The following MPZL1 variants were observed in gnomAD, a reference collection of about 807,000 sequenced individuals.
MPZL1 encodes the protein myelin protein zero-like protein 1.
A neutral mutation model predicts 29.3 loss-of-function variants in MPZL1; 16 were observed. The observed-to-expected ratio is 0.55, with a 90% confidence interval of 0.37 to 0.83. The LOEUF (loss-of-function observed/expected upper bound fraction) is 0.83. Ranked by LOEUF, MPZL1 falls within the 40% of genes least tolerant of loss-of-function variation. The pLI, the probability that MPZL1 is intolerant of heterozygous loss-of-function variation, is 0.00. For synonymous variants in MPZL1, 143 were observed against 132.0 expected (o/e 1.08, Z -0.57); for missense variants, 279 against 332.9 (o/e 0.84, Z 1.26).
intron 1 of MPZL1, among the ~76,000 whole-genome samples, chr1:167,738,954 A>G (rs2101755138): frequency 6.6e-6 from 1 of 151,848 alleles, no homozygotes; most frequent in African/African-American, 2.4e-5. Context: ...GGTTTTTCGG[A>G]GTTTTTTTGA....
chr1:167,768,624 A>G (rs560293071), intron 2 of MPZL1, among the ~76,000 whole-genome samples: 2 of 152,222 alleles, frequency 1.3e-5, no homozygotes, highest in East Asian at 3.9e-4. Flanking sequence ...TCACTGTTTT[A>G]TTTCCATCTC....
intron 1 of MPZL1, among the ~76,000 whole-genome samples, chr1:167,761,338 A>C (rs1302325632): frequency 1.3e-5 from 2 of 152,286 alleles, no homozygotes; most frequent in East Asian, 3.9e-4. Context: ...AATTCAGAAG[A>C]GGGAGAATTG....
In MPZL1 at chr1:167,772,363, A is replaced by G. The variant is rs1661270801; in HGVS notation, c.347A>G (p.Lys116Arg). 6.2e-7 allele frequency: 1 copy of G among 1,613,820 alleles called. No individual in the cohort carries two copies. Among genetic ancestry groups the G allele is most frequent in the Admixed American group, 1.7e-5 (1 of 60,000 alleles). ...RISWAGDLDK[K>R]DASINIENMQ... Reference sequence around the variant, plus strand: ...AGCTGGGCTGGAGACCTTGACAAGAAAGATGCATCAATCAACATAGAAAAT... The same window carrying G: ...AGCTGGGCTGGAGACCTTGACAAGAGAGATGCATCAATCAACATAGAAAAT... The change falls in exon 3 of 6, where the codon AAA (lysine) becomes AGA (arginine). Residue 116 changes from lysine (K) to arginine (R), a missense_variant. By Grantham distance (26) the Lys-to-Arg change is conservative. Coordinates refer to ENST00000359523, the MANE Select transcript of MPZL1 (RefSeq NM_003953.6).
At chr1:167,723,631 G>A (rs531762902) in intron 1 of MPZL1, among the ~76,000 whole-genome samples, 20 of 152,350 alleles carry the variant, frequency 1.3e-4, no homozygotes, top group African/African-American at 4.1e-4. Context: ...GGAGGACAAA[G>A]CAGTTAGGGT....
chr1:167,750,179 C>G (rs983383442), intron 1 of MPZL1, among the ~76,000 whole-genome samples: 8 of 151,604 alleles, frequency 5.3e-5, no homozygotes, highest in African/African-American at 1.7e-4. Flanking sequence ...TTTTTCTTTT[C>G]TTTTCTTTTT....
At chr1:167,756,509 A>G (rs1165082152) in intron 1 of MPZL1, among the ~76,000 whole-genome samples, 1 of 150,626 alleles carries the variant, frequency 6.6e-6, no homozygotes, top group Non-Finnish European at 1.5e-5. Context: ...TCTCACACAG[A>G]AAGATGATTC....
chr1:167,783,140 C>T (rs1661527555), intron 5 of MPZL1, among the ~76,000 whole-genome samples: 1 of 152,100 alleles, frequency 6.6e-6, no homozygotes, highest in Non-Finnish European at 1.5e-5. Context: ...AGCATTGTGG[C>T]TTAGAAGCTG....
chr1:167,772,015 C>T (rs1398429307), intron 2 of MPZL1, among the ~76,000 whole-genome samples: 3 of 151,592 alleles, frequency 2.0e-5, no homozygotes, highest in Non-Finnish European at 2.9e-5. Context: ...CCCAGGCAGT[C>T]GGCAGCCCGA....
At chr1:167,755,239 G>A (rs1309615386) in intron 1 of MPZL1, among the ~76,000 whole-genome samples, 1 of 151,898 alleles carries the variant, frequency 6.6e-6, no homozygotes, top group African/African-American at 2.4e-5. Flanking sequence ...TATTGCCATC[G>A]ACCGTAGGCG....
chr1:167,778,118 C>T (rs1661411017), intron 5 of MPZL1, among the ~76,000 whole-genome samples: 2 of 151,974 alleles, frequency 1.3e-5, no homozygotes, highest in Non-Finnish European at 2.9e-5. Flanking sequence ...GTCAGGAGTT[C>T]GAGACCAACT....
intron 4 of MPZL1, 132 bp downstream of exon 4, chr1:167,773,500 T>A (rs938236035): frequency 9.0e-7 from 1 of 1,115,706 alleles, no homozygotes; most frequent in Non-Finnish European, 1.2e-6. Context: ...TCAGGCAGTC[T>A]CCTTAGGAGG....
chr1:167,760,436 T>C (rs1660962007), intron 1 of MPZL1, among the ~76,000 whole-genome samples: 1 of 152,114 alleles, frequency 6.6e-6, no homozygotes, highest in Non-Finnish European at 1.5e-5. Flanking sequence ...TCTCCTGACC[T>C]CGGTGTTCCG....
At chr1:167,768,417 A>C (rs1223960699) in intron 2 of MPZL1, among the ~76,000 whole-genome samples, 3 of 151,518 alleles carry the variant, frequency 2.0e-5, no homozygotes, top group Non-Finnish European at 4.4e-5. Flanking sequence ...TTTAGCCCTT[A>C]AAACTCACTA....
chr1:167,766,890 G>A (rs915665869), intron 2 of MPZL1, among the ~76,000 whole-genome samples: 4 of 151,946 alleles, frequency 2.6e-5, no homozygotes, highest in African/African-American at 7.3e-5. Flanking sequence ...TAATATTTAC[G>A]GCCTCATAGG....
intron 1 of MPZL1, among the ~76,000 whole-genome samples, chr1:167,752,547 T>C (rs1400963915): frequency 6.6e-6 from 1 of 152,226 alleles, no homozygotes; most frequent in East Asian, 1.9e-4. Flanking sequence ...ATTCAATAAA[T>C]GAATTGTTCA....
intron 1 of MPZL1, among the ~76,000 whole-genome samples, chr1:167,755,414 C>G (rs1443041511): frequency 6.6e-6 from 1 of 152,120 alleles, no homozygotes; most frequent in East Asian, 1.9e-4. Flanking sequence ...TCCTGAAGAG[C>G]AATTTTAATA....
chr1:167,723,424 G>T (rs1055990870), intron 1 of MPZL1, among the ~76,000 whole-genome samples: 4 of 152,188 alleles, frequency 2.6e-5, no homozygotes, highest in Admixed American at 1.3e-4. Flanking sequence ...TACCCTCCAG[G>T]GGTTGACAGA....
Position 167,765,693 on chromosome 1 carries a change from G to T in MPZL1, c.202G>T (p.Gly68Trp), listed in dbSNP as rs146968580. The T allele has an allele frequency of 1.2e-6, 2 of 1,613,200 alleles. No homozygotes were observed. The highest frequency in any genetic ancestry group is 4.5e-5 in the East Asian group (2 of 44,838). ...CKFKSTSTTG[G>W]LTSVSWSFQP... ...GTTCAAGTCTACTAGTACGACTGGC[G>T]GGTTGACCTCAGTCTCCTGGAGCTT... Residue 68 changes from glycine to tryptophan, a missense_variant, in exon 2 of 6, where the codon GGG becomes TGG. Gly to Trp is a radical substitution (Grantham distance 184). Coordinates refer to ENST00000359523, the MANE Select transcript of MPZL1 (RefSeq NM_003953.6).
intron 1 of MPZL1, among the ~76,000 whole-genome samples, chr1:167,763,600 A>G (rs766438926): frequency 5.9e-5 from 9 of 152,188 alleles, no homozygotes; most frequent in Admixed American, 2.0e-4. Flanking sequence ...CCATGGAGAA[A>G]ACTAGTCAAA....
Sources: gnomAD v4.1 joint callset for allele counts (sites outside exome capture counted in the v4.1 genomes callset) on GRCh38, gnomAD v4.1.1 for gene constraint, MANE v1.5 for transcripts, NCBI Gene and HGNC (gene_info 2026-07-23, HGNC 2026-07-21) for gene names.